PPP3CB: variants seen among roughly 807,000 people sequenced by gnomAD.
PPP3CB encodes the protein protein phosphatase 3 catalytic subunit beta, also known as serine/threonine-protein phosphatase 2B catalytic subunit beta isoform.
In PPP3CB, 8 loss-of-function variants were observed where a neutral mutation model predicts 66.4. The observed-to-expected ratio is 0.12, with a 90% CI of 0.07 to 0.22. The LOEUF is 0.22. Among genes scored for constraint, PPP3CB ranks in the 10% least tolerant of loss-of-function variants. The probability of loss-of-function intolerance (pLI) is 1.00; values close to 1 mark genes in which losing one functional copy is unlikely to be tolerated. For synonymous variants in PPP3CB, 208 were observed against 221.2 expected, an observed-to-expected ratio of 0.94 and a Z score of 0.53; for missense variants, 319 against 642.5, an observed-to-expected ratio of 0.50 and a Z score of 5.44.
rs2056078051 is a variant in PPP3CB, at chr10:73,436,747, G to A, written c.*1495C>T. 3 of 152,136 alleles carry A rather than the reference G, an allele frequency of 2.0e-5. No homozygotes were observed. Among genetic ancestry groups the A allele is most frequent in the African/African-American group, 4.8e-5 (2 of 41,434 alleles). 9.4% of individuals were successfully genotyped at this position (152,136 alleles called of 1,614,324 possible). A position where few individuals can be genotyped will look rare whatever the true frequency, so the allele number is the denominator to read the frequency against. ...CCCAGCTCTAGTAACAGGATTTTCT[G>A]ATTTGCATCAAAAGGACAAATCAGA... is the stretch of plus-strand genomic sequence containing the variant. On this transcript the variant is annotated 3_prime_UTR_variant, in exon 14 of 14. Coordinates refer to ENST00000360663, the MANE Select transcript of PPP3CB (RefSeq NM_021132.4).
chr10:73,477,160 C>T (rs771961242), intron 3 of PPP3CB: 1 of 518,816 alleles, frequency 1.9e-6, no homozygotes, highest in Non-Finnish European at 3.8e-6. Context: ...GTACTTACCT[C>T]ATTAATATTA....
chr10:73,465,878 C>A (rs1017473599), intron 9 of PPP3CB, among the ~76,000 whole-genome samples: 1 of 152,104 alleles, frequency 6.6e-6, no homozygotes, highest in Non-Finnish European at 1.5e-5. Context: ...GGCTAGAATT[C>A]TATTTGCATG....
chr10:73,439,772 T>C (rs780392543), intron 13 of PPP3CB, 100 bp downstream of exon 13: 17 of 1,336,884 alleles, frequency 1.3e-5, no homozygotes, highest in Non-Finnish European at 1.8e-5. Context: ...TGATTCATCT[T>C]GGGCTGTAAA....
At chr10:73,473,795 A>T (rs1221832654) in intron 4 of PPP3CB, among the ~76,000 whole-genome samples, 3 of 152,194 alleles carry the variant, frequency 2.0e-5, no homozygotes, top group Non-Finnish European at 4.4e-5. Context: ...AGGGATAAAC[A>T]TTGCAGGTTA....
intron 1 of PPP3CB, among the ~76,000 whole-genome samples, chr10:73,487,783 T>G (rs1420850955): frequency 6.6e-6 from 1 of 151,666 alleles, no homozygotes; most frequent in African/African-American, 2.4e-5. Flanking sequence ...CAGGCAAGTT[T>G]TTGTTTTTTT....
chr10:73,457,654 C>T (rs1396447418), intron 9 of PPP3CB, among the ~76,000 whole-genome samples: 1 of 151,118 alleles, frequency 6.6e-6, no homozygotes, highest in African/African-American at 2.4e-5. Flanking sequence ...AGGAGAATCG[C>T]TTGAATCTGG....
chr10:73,487,442 G>A (rs55687545), intron 1 of PPP3CB, among the ~76,000 whole-genome samples: 7,045 of 151,590 alleles, frequency 0.046, 502 homozygotes, highest in African/African-American at 0.15. Context: ...CAGCTACTTG[G>A]GAGGCTGAGG....
chr10:73,459,700 T>C (rs2056489779), intron 9 of PPP3CB, among the ~76,000 whole-genome samples: 1 of 152,190 alleles, frequency 6.6e-6, no homozygotes, highest in Non-Finnish European at 1.5e-5. Flanking sequence ...AAGAATCCAG[T>C]CACAAAAGAG....
intron 9 of PPP3CB, among the ~76,000 whole-genome samples, chr10:73,459,568 T>C (rs1407736543): frequency 6.6e-6 from 1 of 152,268 alleles, no homozygotes; most frequent in East Asian, 1.9e-4. Flanking sequence ...AATAAATGTC[T>C]ATCAGCTGAT....
intron 10 of PPP3CB, among the ~76,000 whole-genome samples, chr10:73,451,955 C>G (rs567708619): frequency 6.6e-6 from 1 of 151,582 alleles, no homozygotes; most frequent in Non-Finnish European, 1.5e-5. Flanking sequence ...CCATGTTAAG[C>G]CAGGATGGTC....
At chr10:73,476,768 C>T (rs1159032027) in intron 3 of PPP3CB, among the ~76,000 whole-genome samples, 3 of 152,078 alleles carry the variant, frequency 2.0e-5, no homozygotes, top group Admixed American at 1.3e-4. Context: ...GGGCCATTTT[C>T]TGATTTGCCT....
chr10:73,482,692 A>T (rs1355383945), intron 1 of PPP3CB, among the ~76,000 whole-genome samples: 7 of 151,600 alleles, frequency 4.6e-5, no homozygotes, highest in Non-Finnish European at 1.0e-4. Flanking sequence ...ATCTCGGCTC[A>T]CTACAACATC....
At chr10:73,463,230 A>G (rs1238010409) in intron 9 of PPP3CB, among the ~76,000 whole-genome samples, 4 of 152,146 alleles carry the variant, frequency 2.6e-5, no homozygotes, top group African/African-American at 9.7e-5. Context: ...TAATGCTACC[A>G]GGCCTTCATT....
Position 73,478,610 on chromosome 10 carries a change from GAT to G in PPP3CB, c.298_299del (p.Ile100ProfsTer6), listed in dbSNP as rs2056826902. 6.2e-7 allele frequency: 1 copy of G among 1,612,568 alleles called. No homozygotes were observed. Among genetic ancestry groups the G allele is most frequent in the Non-Finnish European group, 8.5e-7 (1 of 1,179,184 alleles). ...VEAPITVCGD[I>X]HGQFFDLMKL... ...TCATCAGATCAAAAAATTGGCCATG[GAT>G]GTCACCACACACTGAAACAAGAAGA... On this transcript the variant is annotated frameshift_variant, in exon 3 of 14. Transcript: ENST00000360663. LOFTEE classifies it high-confidence loss of function.
In PPP3CB at chr10:73,491,022, G is replaced by GTTTTTTTTTTTTTT. The variant is rs528238766; in HGVS notation, c.85+4769_85+4782dup. 5.7e-3 allele frequency among the ~76,000 whole-genome samples: 234 copies of GTTTTTTTTTTTTTT among 40,916 alleles called. 11 individuals carry two copies. Among genetic ancestry groups the GTTTTTTTTTTTTTT allele is most frequent in the Non-Finnish European group, 9.3e-3 (176 of 18,848 alleles). 26.8% of individuals were successfully genotyped at this position (40,916 alleles called of 152,430 possible). A position where few individuals can be genotyped will look rare whatever the true frequency, so the allele number is the denominator to read the frequency against. ...TAATTTTTGTTTGTTTGTTTTTATT[G>GTTTTTTTTTTTTTT]TTTTTTTTTTTTTTTTTTTTTTTTT... On this transcript the variant is annotated intron_variant, in intron 1 of 13. Transcript: ENST00000360663.
chr10:73,471,825 A>G (rs1365262064), intron 4 of PPP3CB, among the ~76,000 whole-genome samples: 2 of 152,218 alleles, frequency 1.3e-5, no homozygotes, highest in Non-Finnish European at 2.9e-5. Flanking sequence ...GACAGTAAAC[A>G]GCAAAGTGGT....
intron 8 of PPP3CB, among the ~76,000 whole-genome samples, chr10:73,467,937 G>A (rs1043013087): frequency 6.6e-6 from 1 of 152,140 alleles, no homozygotes; most frequent in Non-Finnish European, 1.5e-5. Flanking sequence ...TTTCCAGAAT[G>A]TTTGTTTTAC....
chr10:73,482,077 TG>T (rs2056888443), intron 1 of PPP3CB, among the ~76,000 whole-genome samples: 2 of 152,162 alleles, frequency 1.3e-5, no homozygotes, highest in Non-Finnish European at 2.9e-5. Flanking sequence ...TTTAATGAAT[TG>T]ATTACTAAAT....
At position 73,491,017 on chromosome 10, in the gene PPP3CB, T is replaced by C. The variant is rs1441617713; in HGVS notation, c.85+4788A>G. 2.8e-5 allele frequency among the ~76,000 whole-genome samples: 4 copies of C among 140,464 alleles called. No individual in the cohort carries two copies. The East Asian group carries it at 8.3e-4, about 29-fold the overall frequency. 92.1% of individuals were successfully genotyped at this position (140,464 alleles called of 152,430 possible). On this transcript the variant is annotated intron_variant, in intron 1 of 13. Coordinates refer to ENST00000360663, the MANE Select transcript of PPP3CB (RefSeq NM_021132.4). ...CCTGCTAATTTTTGTTTGTTTGTTT[T>C]TATTGTTTTTTTTTTTTTTTTTTTT...
Sources: gnomAD v4.1 joint callset for allele counts (sites outside exome capture counted in the v4.1 genomes callset) on GRCh38, gnomAD v4.1.1 for gene constraint, MANE v1.5 for transcripts, NCBI Gene and HGNC (gene_info 2026-07-23, HGNC 2026-07-21) for gene names.